The following AR variants were observed in gnomAD, a reference collection of about 807,000 sequenced individuals.
AR encodes androgen receptor.
AR carries 8 observed loss-of-function variants against 53.9 expected under a neutral mutation model. That is an observed-to-expected ratio of 0.15 (90% CI 0.09 to 0.27). The LOEUF (loss-of-function observed/expected upper bound fraction) is 0.27. AR is among the 10% of genes least tolerant of loss of function. AR has a pLI of 1.00. For synonymous variants in AR, 359 were observed against 316.4 expected (o/e 1.13, Z -1.43); for missense variants, 639 against 742.5 (o/e 0.86, Z 1.62).
At chrX:67,566,317 C>G (rs980376676) in intron 1 of AR, among the ~76,000 whole-genome samples, 1 of 111,772 alleles carries the variant, frequency 8.9e-6, no homozygotes, top group Non-Finnish European at 1.9e-5. Context: ...ATCTCACAGA[C>G]TGGGGACTGA....
In AR at chrX:67,545,605, GGACGAGGAT is replaced by G. The variant is rs1451836714; in HGVS notation, c.463_471del (p.Glu155_Asp157del). ...TGCCGCAGCAGCTGCCAGCACCTCC[GGACGAGGAT>G]GACTCAGCTGCCCCATCCACGTTGT... is the stretch of plus-strand genomic sequence containing the variant. On this transcript the variant is annotated inframe_deletion, in exon 1 of 8. Coordinates refer to ENST00000374690, the MANE Select transcript of AR (RefSeq NM_000044.6). 2.5e-6 allele frequency: 3 copies of G among 1,185,881 alleles called. No individual in the cohort carries two copies. Among genetic ancestry groups the G allele is most frequent in the Non-Finnish European group, 3.4e-6 (3 of 883,149 alleles).
intron 1 of AR, among the ~76,000 whole-genome samples, chrX:67,589,294 CACTGT>C (rs1376198496): frequency 9.0e-6 from 1 of 111,644 alleles, no homozygotes; most frequent in Non-Finnish European, 1.9e-5. Context: ...AAAAGAAGTC[CACTGT>C]TAGTATCTTT....
intron 2 of AR, among the ~76,000 whole-genome samples, chrX:67,664,558 G>T (rs1051836283): frequency 1.8e-5 from 2 of 112,163 alleles, no homozygotes; most frequent in South Asian, 7.4e-4. Flanking sequence ...GGCTACTCGG[G>T]GTTCAGGGAA....
At chrX:67,632,242 C>T (rs1330352092) in intron 1 of AR, among the ~76,000 whole-genome samples, 1 of 113,531 alleles carries the variant, frequency 8.8e-6, no homozygotes. Flanking sequence ...CCCAGCCTCG[C>T]TGCCACCTTG....
intron 1 of AR, among the ~76,000 whole-genome samples, chrX:67,570,870 A>G (rs921779562): frequency 2.7e-5 from 3 of 111,286 alleles, no homozygotes; most frequent in Admixed American, 9.5e-5. Flanking sequence ...CTTAGAACAC[A>G]TGGAGTACAG....
At chrX:67,566,278 G>A (rs1381477187) in intron 1 of AR, among the ~76,000 whole-genome samples, 1 of 111,667 alleles carries the variant, frequency 9.0e-6, no homozygotes, top group Non-Finnish European at 1.9e-5. Context: ...GCTACAAAGA[G>A]AAATAAGATA....
intron 1 of AR, among the ~76,000 whole-genome samples, chrX:67,626,330 G>T (rs1478300784): frequency 9.2e-6 from 1 of 108,285 alleles, no homozygotes; most frequent in Non-Finnish European, 1.9e-5. Context: ...CCACAAATTA[G>T]CTCCCATGTC....
At chrX:67,582,471 G>C (rs1922339392) in intron 1 of AR, among the ~76,000 whole-genome samples, 1 of 111,852 alleles carries the variant, frequency 8.9e-6, no homozygotes, top group Non-Finnish European at 1.9e-5. Context: ...ATGTGTGTTG[G>C]CTTTAGCAAA....
rs1434186045 is a variant in AR at position 67,729,744 on chromosome X, A to T, written c.*5903A>T. ...CCACCAAAGACTAGAACACACACAT[A>T]TCCATACACCAAAGGAAAGACAATT... is the stretch of plus-strand genomic sequence containing the variant. On this transcript the variant is annotated 3_prime_UTR_variant, in exon 8 of 8. Coordinates refer to ENST00000374690, the MANE Select transcript of AR (RefSeq NM_000044.6). 1 of 172,175 alleles carries T rather than the reference A, an allele frequency of 5.8e-6. No individual in the cohort carries two copies. Among genetic ancestry groups the T allele is most frequent in the Non-Finnish European group, 1.1e-5 (1 of 90,557 alleles). 14.2% of individuals were successfully genotyped at this position (172,175 alleles called of 1,213,427 possible).
intron 3 of AR, among the ~76,000 whole-genome samples, chrX:67,704,862 A>C (rs1569310791): frequency 8.9e-6 from 1 of 112,191 alleles, no homozygotes; most frequent in African/African-American, 3.2e-5. Flanking sequence ...CTTTCTACAT[A>C]TGGCTAACCA....
intron 3 of AR, chrX:67,694,771 G>A (rs1900284247): frequency 2.6e-6 from 3 of 1,148,168 alleles, no homozygotes; most frequent in Non-Finnish European, 2.3e-6. Context: ...GAGGGCTCTA[G>A]TGGATAGTCT....
intron 1 of AR, among the ~76,000 whole-genome samples, chrX:67,628,648 C>T (rs1259977469): frequency 9.1e-6 from 1 of 110,085 alleles, no homozygotes; most frequent in Non-Finnish European, 1.9e-5. Flanking sequence ...TGCCTAATTG[C>T]CCTGGCCAGA....
chrX:67,625,404 C>A (rs978755422), intron 1 of AR, among the ~76,000 whole-genome samples: 8 of 110,805 alleles, frequency 7.2e-5, no homozygotes, highest in Middle Eastern at 4.6e-3. Context: ...GAAAATCTGA[C>A]CCTAAAATTA....
intron 1 of AR, among the ~76,000 whole-genome samples, chrX:67,552,554 A>C (rs775419804): frequency 8.9e-6 from 1 of 112,464 alleles, no homozygotes; most frequent in Non-Finnish European, 1.9e-5. Context: ...TTGGATACAT[A>C]CATAGGATTG....
intron 1 of AR, among the ~76,000 whole-genome samples, chrX:67,579,937 C>G (rs1922216229): frequency 1.8e-5 from 2 of 111,228 alleles, no homozygotes; most frequent in Admixed American, 1.9e-4. Flanking sequence ...ATTGTTCCTT[C>G]TCTGAGTAGT....
intron 2 of AR, among the ~76,000 whole-genome samples, chrX:67,659,708 T>C (rs1254778109): frequency 8.9e-6 from 1 of 111,778 alleles, no homozygotes; most frequent in African/African-American, 3.3e-5. Context: ...AGCAGCATGA[T>C]TTATAATCCT....
chrX:67,635,151 A>G (rs139021913), intron 1 of AR, among the ~76,000 whole-genome samples: 316 of 110,716 alleles, frequency 2.9e-3, no homozygotes, highest in African/African-American at 9.9e-3. Flanking sequence ...TTCTTATGGT[A>G]AGACAAAAGA....
intron 2 of AR, among the ~76,000 whole-genome samples, chrX:67,675,294 A>ACC (rs2075893122): frequency 9.1e-6 from 1 of 109,531 alleles, no homozygotes; most frequent in African/African-American, 3.3e-5. Context: ...TCTCTTGGTC[A>ACC]CCCCAGCTGG....
intron 1 of AR, among the ~76,000 whole-genome samples, chrX:67,591,733 C>A (rs1922841198): frequency 9.0e-6 from 1 of 111,614 alleles, no homozygotes; most frequent in South Asian, 3.8e-4. Flanking sequence ...GGAAGAGCCA[C>A]GAGATAAAAA....
Sources: allele counts gnomAD v4.1 joint callset (sites outside exome capture counted in the v4.1 genomes callset), GRCh38; gene constraint gnomAD v4.1.1; transcripts MANE v1.5; gene names NCBI Gene and HGNC (gene_info 2026-07-23, HGNC 2026-07-21).